Variants in LRP1B observed in about 807,000 individuals in gnomAD.
LRP1B encodes the protein LDL receptor related protein 1B, also known as low-density lipoprotein receptor-related protein 1B.
LRP1B carries 217 observed loss-of-function variants against 556.6 expected under a neutral mutation model. That is an observed-to-expected ratio of 0.39 (90% CI 0.35 to 0.44). The LOEUF (loss-of-function observed/expected upper bound fraction) is 0.44, where lower values mean the gene tolerates loss of function less well. LRP1B is among the 20% of genes least tolerant of loss of function. The probability of loss-of-function intolerance (pLI) is 1.00; values close to 1 mark genes in which losing one functional copy is unlikely to be tolerated. For missense variants in LRP1B, 5,053 were observed against 5,620.8 expected (o/e 0.90, Z 3.23); for synonymous variants, 2,047 against 1,865.8 (o/e 1.10, Z -2.50).
chr2:142,053,210 G>A (rs1287554077), intron 1 of LRP1B, among the ~76,000 whole-genome samples: 1 of 152,096 alleles, frequency 6.6e-6, no homozygotes, highest in Admixed American at 6.6e-5. Context: ...TATTTATTTA[G>A]CTAAACTGGG....
intron 2 of LRP1B, among the ~76,000 whole-genome samples, chr2:141,757,564 AT>A (rs144744732): frequency 6.6e-6 from 1 of 151,830 alleles, no homozygotes; most frequent in African/African-American, 2.4e-5. Context: ...ACTATAACTA[AT>A]TTTTTTTGAG....
chr2:140,672,962 C>T (rs1445117179), intron 41 of LRP1B, among the ~76,000 whole-genome samples: 1 of 152,224 alleles, frequency 6.6e-6, no homozygotes, highest in East Asian at 1.9e-4. Flanking sequence ...ACACTTTTAG[C>T]TCTTCTTTCT....
chr2:140,559,409 G>A (rs1680850995), intron 43 of LRP1B, among the ~76,000 whole-genome samples: 1 of 152,056 alleles, frequency 6.6e-6, no homozygotes, highest in Non-Finnish European at 1.5e-5. Flanking sequence ...ACTAAGAAAT[G>A]ACCAGAGTAA....
intron 2 of LRP1B, among the ~76,000 whole-genome samples, chr2:141,747,219 A>G (rs77901909): frequency 6.6e-6 from 1 of 152,184 alleles, no homozygotes; most frequent in Admixed American, 6.6e-5. Flanking sequence ...AGAAAACTAC[A>G]TCCTAAATCC....
rs1690430329 is a variant in LRP1B, at chr2:141,666,284, A to C, written c.205+143995T>G. Among the ~76,000 whole-genome samples the C allele has an allele frequency of 2.0e-5, 3 of 152,310 alleles. No individual in the cohort carries two copies. In the South Asian group the frequency reaches 6.2e-4, roughly 32 times the overall value. ...TATCTTGTATCACCTGAAGAAAATC[A>C]GTGTGAGAAGCAGGGTGGGGCTAGA... On this transcript the variant is annotated intron_variant, in intron 2 of 90. Transcript: ENST00000389484.
intron 1 of LRP1B, among the ~76,000 whole-genome samples, chr2:142,055,278 A>G (rs1704627502): frequency 6.6e-6 from 1 of 152,262 alleles, no homozygotes; most frequent in South Asian, 2.1e-4. Flanking sequence ...AGGTAAGAAA[A>G]CATCCCTCCA....
At chr2:140,690,938 T>C (rs959802880) in intron 41 of LRP1B, among the ~76,000 whole-genome samples, 1 of 152,168 alleles carries the variant, frequency 6.6e-6, no homozygotes, top group Non-Finnish European at 1.5e-5. Flanking sequence ...AAAAGTATCC[T>C]TTTCAGTTTT....
At chr2:140,460,233 T>C (rs1423558128) in intron 60 of LRP1B, among the ~76,000 whole-genome samples, 1 of 152,170 alleles carries the variant, frequency 6.6e-6, no homozygotes, top group Non-Finnish European at 1.5e-5. Flanking sequence ...CACCATGGGA[T>C]GACACCGGAT....
Position 141,038,565 on chromosome 2 carries a change from A to T in LRP1B, c.1789+10421T>A, listed in dbSNP as rs571956275. On this transcript the variant is annotated intron_variant, in intron 11 of 90. Coordinates refer to ENST00000389484, the MANE Select transcript of LRP1B (RefSeq NM_018557.3). ...ACAATGACTATTACTACTCCCTAAA[A>T]TGTTCTCATAATAGCTAGTGTCGTG... Among the ~76,000 whole-genome samples, 3 of 152,170 alleles carry T rather than the reference A, an allele frequency of 2.0e-5. No individual in the cohort carries two copies. The East Asian group carries it at 5.8e-4, about 30-fold the overall frequency.
At position 140,899,524 on chromosome 2, in the gene LRP1B, C is replaced by T. The variant is rs1357184702; in HGVS notation, c.3766+3396G>A. Among the ~76,000 whole-genome samples the T allele has an allele frequency of 2.6e-5, 4 of 152,198 alleles. No homozygotes were observed. In the South Asian group the frequency reaches 8.3e-4, roughly 31 times the overall value. Reference sequence around the variant, plus strand: ...GCTTTCAAAAAGTCAGTTGCCATTTCATTTCTATGTTAACACTTCATATTT... The same window carrying T: ...GCTTTCAAAAAGTCAGTTGCCATTTTATTTCTATGTTAACACTTCATATTT... On this transcript the variant is annotated intron_variant, in intron 23 of 90. Transcript: ENST00000389484.
intron 11 of LRP1B, among the ~76,000 whole-genome samples, chr2:141,027,970 G>A (rs1698262821): frequency 6.6e-6 from 1 of 152,024 alleles, no homozygotes; most frequent in Admixed American, 6.6e-5. Context: ...AGAATTGAGA[G>A]AAACAAATTT....
At chr2:141,400,447 G>T (rs764626001) in intron 3 of LRP1B, among the ~76,000 whole-genome samples, 2 of 152,156 alleles carry the variant, frequency 1.3e-5, no homozygotes, top group Non-Finnish European at 2.9e-5. Context: ...GAAAACTAAA[G>T]TCTGTTCTCT....
chr2:141,881,397 G>C (rs185885306), intron 1 of LRP1B, among the ~76,000 whole-genome samples: 1 of 151,988 alleles, frequency 6.6e-6, no homozygotes, highest in South Asian at 2.1e-4. Context: ...CTTAGATAAG[G>C]ATTTGACTTG....
intron 3 of LRP1B, among the ~76,000 whole-genome samples, chr2:141,366,818 G>C (rs1190878225): frequency 6.6e-6 from 1 of 152,146 alleles, no homozygotes; most frequent in Non-Finnish European, 1.5e-5. Flanking sequence ...TAGTTCACTA[G>C]GTGAAAACGC....
chr2:140,311,844 T>A (rs1256685688), intron 83 of LRP1B, among the ~76,000 whole-genome samples: 1 of 151,920 alleles, frequency 6.6e-6, no homozygotes, highest in Admixed American at 6.6e-5. Context: ...GAATGTTCAC[T>A]CTTTAAGATA....
intron 35 of LRP1B, among the ~76,000 whole-genome samples, chr2:140,718,806 T>A (rs1426920795): frequency 6.6e-6 from 1 of 152,062 alleles, no homozygotes; most frequent in Non-Finnish European, 1.5e-5. Context: ...TAGTAATAGA[T>A]CTTCCTGTTC....
At chr2:141,604,373 A>C (rs1056640974) in intron 2 of LRP1B, among the ~76,000 whole-genome samples, 1 of 152,136 alleles carries the variant, frequency 6.6e-6, no homozygotes, top group East Asian at 1.9e-4. Context: ...TAAGATAAGC[A>C]CGGTAAAATA....
chr2:140,966,376 T>C (rs1696221725), intron 18 of LRP1B, among the ~76,000 whole-genome samples: 1 of 152,204 alleles, frequency 6.6e-6, no homozygotes, highest in Non-Finnish European at 1.5e-5. Flanking sequence ...GTTCATATCC[T>C]TCACCCACTT....
intron 2 of LRP1B, among the ~76,000 whole-genome samples, chr2:141,556,069 AT>A (rs1196394315): frequency 1.3e-5 from 2 of 152,006 alleles, no homozygotes; most frequent in East Asian, 3.9e-4. Context: ...TATCATAATA[AT>A]CATGATGGGT....
Sources: allele counts gnomAD v4.1 joint callset (sites outside exome capture counted in the v4.1 genomes callset), GRCh38; gene constraint gnomAD v4.1.1; transcripts MANE v1.5; gene names NCBI Gene and HGNC (gene_info 2026-07-23, HGNC 2026-07-21).